Variants in CP observed in about 807,000 individuals in gnomAD.
The protein encoded by CP is ceruloplasmin, also known as caeruloplasmin.
A neutral mutation model predicts 122.4 loss-of-function variants in CP; 64 were observed. The ratio of observed to expected loss-of-function variants is 0.52; its 90% confidence interval spans 0.43 to 0.64. CP has a LOEUF of 0.64. CP is among the 30% of genes least tolerant of loss of function. The pLI, the probability that CP is intolerant of heterozygous loss-of-function variation, is 0.00. For missense variants in CP, 1,167 were observed against 1,284.4 expected (o/e 0.91, Z 1.40); for synonymous variants, 440 against 436.4 (o/e 1.01, Z -0.10).
At chr3:149,210,593 G>A (rs1728042990) in intron 2 of CP, among the ~76,000 whole-genome samples, 3 of 152,080 alleles carry the variant, frequency 2.0e-5, no homozygotes, top group Admixed American at 2.0e-4. Flanking sequence ...TTTTATATTT[G>A]ATTGGGTTTT....
At chr3:149,207,223 A>T in intron 5 of CP, 140 bp downstream of exon 5, 1 of 905,072 alleles carries the variant, frequency 1.1e-6, no homozygotes, top group Admixed American at 2.4e-5. Context: ...TTATTACATT[A>T]TTATATATAC....
chr3:149,181,975 C>CCGCGGGGG, intron 14 of CP, 30 bp downstream of exon 14: 1 of 1,088,426 alleles, frequency 9.2e-7, no homozygotes, highest in Non-Finnish European at 1.4e-6. Flanking sequence ...TGTTAAAATG[C>CCGCGGGGG]ACCACCCCCA....
intron 5 of CP, among the ~76,000 whole-genome samples, chr3:149,163,656 A>G (rs1480794286): frequency 6.6e-6 from 1 of 152,206 alleles, no homozygotes; most frequent in East Asian, 1.9e-4. Flanking sequence ...TTTAGTGTAG[A>G]AGCAAGCAAG....
rs1022798167 is a variant in CP at position 149,200,113 on chromosome 3, T to C, written c.1349-249A>G. The stretch of plus-strand genomic sequence containing the variant: ...TGATTATCATTTTTGTACAAGTCAG[T>C]TAGTAAGCTTTACACATCTACAAAA... On this transcript the variant is annotated intron_variant, in intron 7 of 18. Coordinates refer to ENST00000264613, the MANE Select transcript of CP (RefSeq NM_000096.4). 12 of 483,850 alleles carry C rather than the reference T, an allele frequency of 2.5e-5. No homozygotes were observed. The Admixed American group carries it at 3.9e-4, about 16-fold the overall frequency. 30.0% of individuals were successfully genotyped at this position (483,850 alleles called of 1,614,324 possible). A position where few individuals can be genotyped will look rare whatever the true frequency, so the allele number is the denominator to read the frequency against.
chr3:149,198,809 T>C (rs1238269676), intron 8 of CP, among the ~76,000 whole-genome samples: 1 of 152,212 alleles, frequency 6.6e-6, no homozygotes, highest in East Asian at 1.9e-4. Context: ...TGCTCACACA[T>C]CTTCCGGGAA....
rs757795467 is a variant in CP at position 149,185,478 on chromosome 3, C to T, written c.2078-32G>A. Reference sequence around the variant, plus strand: ...TGGTAAATAAGAAAACATGTCACTTCTTTGCTAGTGCCCTCTGGGGCTCTC... The same window carrying T: ...TGGTAAATAAGAAAACATGTCACTTTTTTGCTAGTGCCCTCTGGGGCTCTC... On this transcript the variant is annotated intron_variant, in intron 11 of 18. Transcript: ENST00000264613. The T allele has an allele frequency of 6.9e-6, 11 of 1,602,550 alleles. No homozygotes were observed. The South Asian group carries it at 1.2e-4, about 18-fold the overall frequency.
At chr3:149,164,421 G>GCTAAT (rs1724206138) in intron 5 of CP, among the ~76,000 whole-genome samples, 1 of 152,106 alleles carries the variant, frequency 6.6e-6, no homozygotes, top group Admixed American at 6.5e-5. Flanking sequence ...GAAATGAGGG[G>GCTAAT]GATGATTAGA....
chr3:149,162,566 C>T lies in CP; in HGVS notation c.*323G>A, dbSNP rs531556147. The T allele has an allele frequency of 9.4e-5, 107 of 1,139,968 alleles. No individual in the cohort carries two copies. The East Asian group carries it at 1.1e-3, about 12-fold the overall frequency. The allele number at this position is 1,139,968 out of a possible 1,614,324, so 70.6% of individuals were successfully genotyped here. A position where few individuals can be genotyped will look rare whatever the true frequency, so the allele number is the denominator to read the frequency against. ...ATGTCTAAATTTGCTTTTGCCATGG[C>T]GCTAATGCTAATGGTAAATTATTGA... On this transcript the variant is annotated 3_prime_UTR_variant, in exon 6 of 6. Coordinates refer to the CP transcript ENST00000479771.
intron 13 of CP, among the ~76,000 whole-genome samples, chr3:149,183,037 GCT>G (rs1725888192): frequency 6.6e-6 from 1 of 152,218 alleles, no homozygotes; most frequent in African/African-American, 2.4e-5. Flanking sequence ...TGTAGTCCCA[GCT>G]ACTTGGGAGG....
At chr3:149,217,269 T>G (rs1728525813) in intron 1 of CP, among the ~76,000 whole-genome samples, 1 of 152,150 alleles carries the variant, frequency 6.6e-6, no homozygotes, top group Admixed American at 6.5e-5. Context: ...CCAGAAAATT[T>G]TAGCTAGTAA....
chr3:149,207,131 T>G (rs1330046052), intron 5 of CP, among the ~76,000 whole-genome samples: 1 of 152,192 alleles, frequency 6.6e-6, no homozygotes, highest in Non-Finnish European at 1.5e-5. Flanking sequence ...GTACTATACT[T>G]TCAGGGCCAG....
At chr3:149,190,335 T>G (rs1238862392) in intron 9 of CP, among the ~76,000 whole-genome samples, 1 of 152,096 alleles carries the variant, frequency 6.6e-6, no homozygotes, top group Non-Finnish European at 1.5e-5. Flanking sequence ...ACTGGACTAG[T>G]ACTCATGGAT....
chr3:149,191,762 T>G (rs1461527226), intron 9 of CP, among the ~76,000 whole-genome samples: 4 of 152,062 alleles, frequency 2.6e-5, no homozygotes, highest in Non-Finnish European at 2.9e-5. Context: ...CCAAAATAAA[T>G]GTTAAGCAAT....
At chr3:149,202,605 C>CTTTTTT (rs34873592) in intron 6 of CP, among the ~76,000 whole-genome samples, 8 of 106,784 alleles carry the variant, frequency 7.5e-5, no homozygotes, top group Admixed American at 3.3e-4. Context: ...TGTTGTTTGT[C>CTTTTTT]TTTTTTTTTT....
intron 6 of CP, among the ~76,000 whole-genome samples, chr3:149,203,172 A>G (rs1333985060): frequency 1.3e-5 from 2 of 152,076 alleles, no homozygotes; most frequent in African/African-American, 4.8e-5. Flanking sequence ...TTTGCAAAGT[A>G]CTGAGATTAC....
At position 149,210,175 on chromosome 3, in the gene CP, C is replaced by T. The variant is rs1728013244; in HGVS notation, c.599G>A (p.Cys200Tyr). The T allele has an allele frequency of 6.2e-7, 1 of 1,613,666 alleles. No individual in the cohort carries two copies. Among genetic ancestry groups the T allele is most frequent in the African/African-American group, 1.3e-5 (1 of 74,892 alleles). ...ATAAGGAGAAGATGTACCTTTTTTA[C>T]AGATTATTAAAGGTCCGATGAGTCC... ...ASGLIGPLII[C>Y]KKDSLDKEKE... The change falls in exon 3 of 19, where the codon TGT (cysteine) becomes TAT (tyrosine). Residue 200 changes from cysteine (C) to tyrosine (Y), a missense_variant. This residue lies in a region of CP where 642 missense variants were observed against 627.3 expected (regional missense o/e 1.02). Transcript: ENST00000264613.
chr3:149,206,695 T>C (rs1727750566), intron 5 of CP, among the ~76,000 whole-genome samples: 1 of 152,012 alleles, frequency 6.6e-6, no homozygotes. Flanking sequence ...AGGGGTTGCA[T>C]TGGGTGGAGG....
At chr3:149,211,496 GT>G (rs1432723907) in intron 2 of CP, among the ~76,000 whole-genome samples, 1 of 152,136 alleles carries the variant, frequency 6.6e-6, no homozygotes, top group East Asian at 1.9e-4. Context: ...TACCATCATT[GT>G]TAAGGACTAA....
At chr3:149,184,129 G>A (rs1379294644) in intron 12 of CP, among the ~76,000 whole-genome samples, 8 of 128,484 alleles carry the variant, frequency 6.2e-5, no homozygotes, top group African/African-American at 2.3e-4. Flanking sequence ...TCTGCCTCCC[G>A]GGTTCACGCC....
Sources: gnomAD v4.1 joint callset for allele counts (sites outside exome capture counted in the v4.1 genomes callset) on GRCh38, gnomAD v4.1.1 for gene constraint, gnomAD v4.1.1 regional missense constraint, MANE v1.5 for transcripts, NCBI Gene and HGNC (gene_info 2026-07-23, HGNC 2026-07-21) for gene names.